Variants in DLG1 observed in about 807,000 individuals in gnomAD.
DLG1 encodes the protein discs large MAGUK scaffold protein 1.
A neutral mutation model predicts 123.4 loss-of-function variants in DLG1; 42 were observed. The observed-to-expected ratio is 0.34, with a 90% CI of 0.27 to 0.44. The LOEUF is 0.44. Among genes scored for constraint, DLG1 ranks in the 20% least tolerant of loss-of-function variants. DLG1 has a pLI of 1.00. For missense variants in DLG1, 942 were observed against 1,082.6 expected (o/e 0.87, Z 1.82); for synonymous variants, 317 against 356.2 (o/e 0.89, Z 1.24).
chr3:197,111,926 G>C (rs985720605), intron 13 of DLG1, among the ~76,000 whole-genome samples: 3 of 152,142 alleles, frequency 2.0e-5, no homozygotes, highest in Non-Finnish European at 4.4e-5. Context: ...GTCATTTCAA[G>C]GTCTAGATTA....
At chr3:197,245,311 G>A (rs1751078403) in intron 4 of DLG1, among the ~76,000 whole-genome samples, 1 of 152,086 alleles carries the variant, frequency 6.6e-6, no homozygotes, top group African/African-American at 2.4e-5. Flanking sequence ...CATTGTTGGT[G>A]GTTGCACTTG....
chr3:197,248,235 C>T (rs1752713655), intron 4 of DLG1, among the ~76,000 whole-genome samples: 2 of 152,290 alleles, frequency 1.3e-5, no homozygotes, highest in Middle Eastern at 3.4e-3. Context: ...ATCTCGACCA[C>T]CAAGGAAATA....
At chr3:197,290,056 C>T (rs1452707206) in intron 3 of DLG1, among the ~76,000 whole-genome samples, 2 of 151,564 alleles carry the variant, frequency 1.3e-5, no homozygotes, top group African/African-American at 4.9e-5. Flanking sequence ...GAAAGTGCTC[C>T]AAAAAATGAT....
intron 5 of DLG1, among the ~76,000 whole-genome samples, chr3:197,162,256 CTA>C (rs1799094950): frequency 7.1e-6 from 1 of 140,126 alleles, no homozygotes; most frequent in African/African-American, 2.5e-5. Flanking sequence ...CATTGATTGT[CTA>C]TTACATGCCA....
At chr3:197,147,607 T>C (rs1261217213) in intron 6 of DLG1, among the ~76,000 whole-genome samples, 3 of 152,100 alleles carry the variant, frequency 2.0e-5, no homozygotes, top group Non-Finnish European at 4.4e-5. Context: ...CACTCATAAG[T>C]GGGAGCTAAG....
At chr3:197,135,758 A>G (rs190201661) in intron 10 of DLG1, among the ~76,000 whole-genome samples, 205 of 152,330 alleles carry the variant, frequency 1.3e-3, no homozygotes, top group Admixed American at 4.3e-3. Flanking sequence ...GTGTTTTGAA[A>G]AAGCTTCAAA....
At chr3:197,203,955 T>C (rs903482923) in intron 4 of DLG1, among the ~76,000 whole-genome samples, 35 of 152,316 alleles carry the variant, frequency 2.3e-4, no homozygotes, top group African/African-American at 6.7e-4. Context: ...CAAAGAGTCA[T>C]ACTGGGTTAG....
In DLG1 at chr3:197,051,572, C is replaced by T; in HGVS notation, c.2575+5G>A. ...TAAAGAGGACTGTTACAACACGGTT[C>T]CAACCTGTGAAATGTTCAGTAAACT... On this transcript the variant is annotated splice_donor_5th_base_variant and intron_variant, in intron 24 of 24. Coordinates refer to ENST00000667157, the MANE Select transcript of DLG1 (RefSeq NM_001366207.1). The T allele has an allele frequency of 6.2e-7, 1 of 1,611,702 alleles. No individual in the cohort carries two copies. The highest frequency in any genetic ancestry group is 8.5e-7 in the Non-Finnish European group (1 of 1,177,964).
At chr3:197,246,747 G>A (rs1751904119) in intron 4 of DLG1, among the ~76,000 whole-genome samples, 1 of 152,146 alleles carries the variant, frequency 6.6e-6, no homozygotes, top group Non-Finnish European at 1.5e-5. Context: ...AATAGCGATG[G>A]GTAGGTGTTT....
chr3:197,078,003 T>C (rs528682457), intron 17 of DLG1, among the ~76,000 whole-genome samples: 16 of 152,180 alleles, frequency 1.1e-4, no homozygotes, highest in Admixed American at 3.9e-4. Context: ...ATTTTAAGCA[T>C]GTGATGCCAG....
At chr3:197,164,030 G>A (rs928341270) in intron 5 of DLG1, among the ~76,000 whole-genome samples, 2 of 152,084 alleles carry the variant, frequency 1.3e-5, no homozygotes, top group African/African-American at 4.8e-5. Context: ...TCACACTGCT[G>A]TTGGATATAC....
chr3:197,124,093 A>C (rs1163895452), intron 11 of DLG1, among the ~76,000 whole-genome samples: 1 of 152,158 alleles, frequency 6.6e-6, no homozygotes, highest in Non-Finnish European at 1.5e-5. Context: ...ACAATTTTAA[A>C]AATTAGCTGG....
At chr3:197,196,832 T>TA (rs1722776678) in intron 4 of DLG1, among the ~76,000 whole-genome samples, 1 of 152,190 alleles carries the variant, frequency 6.6e-6, no homozygotes, top group Non-Finnish European at 1.5e-5. Context: ...ATTTTCTACA[T>TA]AAAACTATGT....
chr3:197,098,081 T>C (rs1761613013), intron 14 of DLG1, among the ~76,000 whole-genome samples: 1 of 152,222 alleles, frequency 6.6e-6, no homozygotes, highest in Non-Finnish European at 1.5e-5. Context: ...AAAATTTAAC[T>C]GGCTCTCCCA....
intron 4 of DLG1, among the ~76,000 whole-genome samples, chr3:197,241,077 T>A (rs527793439): frequency 2.3e-4 from 35 of 151,958 alleles, no homozygotes; most frequent in Middle Eastern, 3.4e-3. Context: ...TTGACCCAAA[T>A]AAGATTACCC....
intron 4 of DLG1, among the ~76,000 whole-genome samples, chr3:197,204,268 G>C (rs753236422): frequency 1.3e-5 from 2 of 152,142 alleles, no homozygotes; most frequent in Non-Finnish European, 2.9e-5. Context: ...TCTTGACAAC[G>C]GTTTAATATG....
intron 5 of DLG1, among the ~76,000 whole-genome samples, chr3:197,182,223 C>T (rs1344805622): frequency 1.3e-5 from 2 of 151,930 alleles, no homozygotes; most frequent in Admixed American, 6.6e-5. Context: ...CATTGTCAAC[C>T]TTTAGTCTTT....
chr3:197,278,753 C>G lies in DLG1; in HGVS notation c.318+3926G>C, dbSNP rs146808209. On this transcript the variant is annotated intron_variant, in intron 4 of 24. Transcript: ENST00000667157. ...TCAGTGAACTTAAAAAAAAAAAAGA[C>G]AAAACTGGATAGCTGCTTTAAAGAT... 1.1e-3 allele frequency among the ~76,000 whole-genome samples: 167 copies of G among 149,180 alleles called. 1 individual carries two copies. Among genetic ancestry groups the G allele is most frequent in the African/African-American group, 3.7e-3 (150 of 40,810 alleles).
chr3:197,064,145 C>T (rs1474748256), intron 22 of DLG1, among the ~76,000 whole-genome samples: 3 of 151,608 alleles, frequency 2.0e-5, no homozygotes, highest in Admixed American at 6.6e-5. Flanking sequence ...GTCTTGAACT[C>T]CTGACCTCAG....
Sources: allele counts gnomAD v4.1 joint callset (sites outside exome capture counted in the v4.1 genomes callset), GRCh38; gene constraint gnomAD v4.1.1; transcripts MANE v1.5; gene names NCBI Gene and HGNC (gene_info 2026-07-23, HGNC 2026-07-21).